Variants in TMEM38B observed in about 807,000 individuals in gnomAD.
The protein encoded by TMEM38B is transmembrane protein 38B.
Under a neutral mutation model 28.7 loss-of-function variants are expected in TMEM38B, and 24 were observed. The observed-to-expected ratio is 0.84, with a 90% CI of 0.61 to 1.18. TMEM38B has a LOEUF of 1.18. Among genes scored for constraint, TMEM38B ranks in the 50% most tolerant of loss-of-function variants. The probability of loss-of-function intolerance (pLI) is 0.00; values close to 1 mark genes in which losing one functional copy is unlikely to be tolerated. For missense variants in TMEM38B, 380 were observed against 350.9 expected (o/e 1.08, Z -0.66); for synonymous variants, 131 against 127.7 (o/e 1.03, Z -0.17).
At position 105,774,395 on chromosome 9, in the gene TMEM38B, AC is replaced by A. The variant is rs1826662759; in HGVS notation, c.*316del. ...AAAGCAGATCTGTCATTGCAAAGTA[AC>A]AAAAATTTTAAGCTTTTAAAAATGT... On this transcript the variant is annotated 3_prime_UTR_variant, in exon 6 of 6. Transcript: ENST00000374692. The A allele has an allele frequency of 5.7e-6, 1 of 176,868 alleles. No homozygotes were observed. The highest frequency in any genetic ancestry group is 1.2e-5 in the Non-Finnish European group (1 of 84,404). 11.0% of individuals were successfully genotyped at this position (176,868 alleles called of 1,614,324 possible).
chr9:105,748,252 A>G lies in TMEM38B; in HGVS notation c.660+62A>G, dbSNP rs115880033. 5.3e-4 allele frequency: 650 copies of G among 1,220,918 alleles called. 6 individuals are homozygous for G. The African/African-American group carries it at 8.8e-3, about 17-fold the overall frequency. 75.6% of individuals were successfully genotyped at this position (1,220,918 alleles called of 1,614,324 possible). A position where few individuals can be genotyped will look rare whatever the true frequency, so the allele number is the denominator to read the frequency against. On this transcript the variant is annotated intron_variant, in intron 5 of 5. Transcript: ENST00000374692. ...TGTATAACTATTCCCCTTTGATACA[A>G]TTTTGCATGCTGGGCAAGTAAGAGG...
intron 2 of TMEM38B, among the ~76,000 whole-genome samples, chr9:105,708,066 T>C (rs1459290162): frequency 6.6e-6 from 1 of 152,172 alleles, no homozygotes; most frequent in Non-Finnish European, 1.5e-5. Context: ...TTGCAGGAGC[T>C]TCCTAAGTGG....
At position 105,768,740 on chromosome 9, in the gene TMEM38B, TAATGTCTCC is replaced by T. The variant is rs569073249; in HGVS notation, c.661-5123_661-5115del. 5.7e-4 allele frequency among the ~76,000 whole-genome samples: 87 copies of T among 152,334 alleles called. 2 individuals carry two copies. The highest frequency in any genetic ancestry group is 5.2e-3 in the Admixed American group (79 of 15,306). ...CCTTTAATGTCTGTAGAATTTGTGG[TAATGTCTCC>T]ACTTTCATTCCTGATATTGGTGATC... is the stretch of plus-strand genomic sequence containing the variant. On this transcript the variant is annotated intron_variant, in intron 5 of 5. Transcript: ENST00000374692.
intron 5 of TMEM38B, among the ~76,000 whole-genome samples, chr9:105,773,598 G>GA (rs1224688117): frequency 3.3e-5 from 5 of 152,040 alleles, no homozygotes; most frequent in African/African-American, 1.2e-4. Flanking sequence ...TACTTCCTTT[G>GA]AATACTAAAT....
intron 3 of TMEM38B, 52 bp downstream of exon 3, chr9:105,721,773 A>C: frequency 1.5e-6 from 2 of 1,361,206 alleles, no homozygotes; most frequent in Non-Finnish European, 2.0e-6. Flanking sequence ...TGTATTATTA[A>C]TACCATTACT....
chr9:105,750,112 T>C (rs987923393), intron 5 of TMEM38B, among the ~76,000 whole-genome samples: 1 of 152,224 alleles, frequency 6.6e-6, no homozygotes, highest in Non-Finnish European at 1.5e-5. Context: ...AGTATCTTTT[T>C]TGTGCTTGTT....
At chr9:105,720,037 T>C (rs1039240640) in intron 2 of TMEM38B, among the ~76,000 whole-genome samples, 7 of 152,116 alleles carry the variant, frequency 4.6e-5, no homozygotes, top group Non-Finnish European at 8.8e-5. Context: ...TGTGTAAAAA[T>C]TTTAAATCAT....
At chr9:105,707,671 A>G (rs1835725533) in intron 2 of TMEM38B, among the ~76,000 whole-genome samples, 1 of 152,208 alleles carries the variant, frequency 6.6e-6, no homozygotes, top group Non-Finnish European at 1.5e-5. Flanking sequence ...GAGGAGTACT[A>G]TAAGGTAGCT....
chr9:105,748,999 G>A, intron 5 of TMEM38B: 2 of 1,156,426 alleles, frequency 1.7e-6, no homozygotes, highest in South Asian at 1.5e-5. Context: ...ATTTTTAAAA[G>A]GAAAACAGGA....
intron 5 of TMEM38B, chr9:105,759,163 C>T: frequency 1.3e-6 from 1 of 760,298 alleles, no homozygotes; most frequent in Non-Finnish European, 2.4e-6. Flanking sequence ...AGCACAATCA[C>T]AGATTATTTT....
At chr9:105,746,711 G>T (rs180673909) in intron 4 of TMEM38B, among the ~76,000 whole-genome samples, 93 of 152,184 alleles carry the variant, frequency 6.1e-4, no homozygotes, top group Non-Finnish European at 1.1e-3. Flanking sequence ...ATTGGCTGTG[G>T]GTTTGTCATA....
chr9:105,748,537 C>T (rs1837519744), intron 5 of TMEM38B, among the ~76,000 whole-genome samples: 1 of 152,168 alleles, frequency 6.6e-6, no homozygotes, highest in Non-Finnish European at 1.5e-5. Flanking sequence ...TCTGAATTTC[C>T]TTTAAGCTCT....
In TMEM38B at chr9:105,775,685, T is replaced by G. The variant is rs1446755712; in HGVS notation, c.*1605T>G. On this transcript the variant is annotated 3_prime_UTR_variant, in exon 6 of 6. Coordinates refer to ENST00000374692, the MANE Select transcript of TMEM38B (RefSeq NM_018112.3). ...ATTTGATACTCTTACAGTTAAAAACTTTTCAAAATTAATACATTGTTAATT... is the reference window on the plus strand; with the variant it reads ...ATTTGATACTCTTACAGTTAAAAACGTTTCAAAATTAATACATTGTTAATT... 1.3e-5 allele frequency: 2 copies of G among 152,120 alleles called. No individual in the cohort carries two copies. Among genetic ancestry groups the G allele is most frequent in the Admixed American group, 1.3e-4 (2 of 15,250 alleles). The allele number at this position is 152,120 out of a possible 1,614,324, so 9.4% of individuals were successfully genotyped here.
At chr9:105,773,134 C>A (rs1463968083) in intron 5 of TMEM38B, among the ~76,000 whole-genome samples, 1 of 152,124 alleles carries the variant, frequency 6.6e-6, no homozygotes, top group African/African-American at 2.4e-5. Flanking sequence ...AAGTTCTCCT[C>A]CCAGATTTAT....
intron 5 of TMEM38B, among the ~76,000 whole-genome samples, chr9:105,756,622 A>G (rs541002889): frequency 8.3e-4 from 127 of 152,330 alleles, no homozygotes; most frequent in Middle Eastern, 3.4e-3. Flanking sequence ...TTTGTGGAAT[A>G]AAAATGATAA....
intron 5 of TMEM38B, among the ~76,000 whole-genome samples, chr9:105,767,431 A>G (rs1190208584): frequency 6.6e-6 from 1 of 152,118 alleles, no homozygotes; most frequent in African/African-American, 2.4e-5. Context: ...TACATCTTTT[A>G]TATTTCTAAA....
At chr9:105,707,051 T>C (rs1297285828) in intron 2 of TMEM38B, among the ~76,000 whole-genome samples, 1 of 152,210 alleles carries the variant, frequency 6.6e-6, no homozygotes, top group Non-Finnish European at 1.5e-5. Flanking sequence ...GTGCTGAGAT[T>C]ACAGGCGTGA....
chr9:105,774,158 T>A lies in TMEM38B; in HGVS notation c.*78T>A, dbSNP rs1826655299. 4.9e-6 allele frequency: 6 copies of A among 1,223,016 alleles called. No homozygotes were observed. The highest frequency in any genetic ancestry group is 6.9e-6 in the Non-Finnish European group (6 of 864,478). 75.8% of individuals were successfully genotyped at this position (1,223,016 alleles called of 1,614,324 possible). A position where few individuals can be genotyped will look rare whatever the true frequency, so the allele number is the denominator to read the frequency against. On this transcript the variant is annotated 3_prime_UTR_variant, in exon 6 of 6. Transcript: ENST00000374692. Reference sequence around the variant, plus strand: ...TATATTGTGCTAATTTTTCTATGTATGTGATGTGAAATGAAGACTATATAT... The same window carrying A: ...TATATTGTGCTAATTTTTCTATGTAAGTGATGTGAAATGAAGACTATATAT...
chr9:105,762,323 T>C (rs1341940427), intron 5 of TMEM38B, among the ~76,000 whole-genome samples: 13 of 151,604 alleles, frequency 8.6e-5, no homozygotes, highest in Non-Finnish European at 1.6e-4. Context: ...TAGTTACATA[T>C]GTATACATGT....
Sources: allele counts gnomAD v4.1 joint callset (sites outside exome capture counted in the v4.1 genomes callset), GRCh38; gene constraint gnomAD v4.1.1; transcripts MANE v1.5; gene names NCBI Gene and HGNC (gene_info 2026-07-23, HGNC 2026-07-21).